Variants in UBE4B observed in about 807,000 individuals in gnomAD.
UBE4B encodes the protein ubiquitination factor E4B, also known as ubiquitin conjugation factor E4 B.
In UBE4B, 27 loss-of-function variants were observed where a neutral mutation model predicts 148.1. The ratio of observed to expected loss-of-function variants is 0.18; its 90% CI spans 0.13 to 0.25. The LOEUF is 0.25. UBE4B is among the 10% of genes least tolerant of loss of function. UBE4B has a pLI of 1.00. For missense variants in UBE4B, 1,170 were observed against 1,662.4 expected (o/e 0.70, Z 5.15); for synonymous variants, 596 against 619.3 (o/e 0.96, Z 0.56).
intron 1 of UBE4B, among the ~76,000 whole-genome samples, chr1:10,062,699 G>A (rs1446470613): frequency 1.3e-5 from 2 of 152,228 alleles, no homozygotes; most frequent in African/African-American, 4.8e-5. Context: ...GCTCACGCCT[G>A]TAATCCCAGC....
At chr1:10,050,755 A>G (rs573839031) in intron 1 of UBE4B, among the ~76,000 whole-genome samples, 1 of 142,238 alleles carries the variant, frequency 7.0e-6, no homozygotes, top group South Asian at 2.2e-4. Flanking sequence ...GTGGAGTTTC[A>G]CTATGTTGCC....
At chr1:10,078,897 G>T (rs1157866822) in intron 2 of UBE4B, among the ~76,000 whole-genome samples, 1 of 152,118 alleles carries the variant, frequency 6.6e-6, no homozygotes, top group Non-Finnish European at 1.5e-5. Context: ...GCTCATTGCG[G>T]CCACAAACTC....
At chr1:10,067,606 A>G (rs1570814770) in intron 1 of UBE4B, among the ~76,000 whole-genome samples, 1 of 151,956 alleles carries the variant, frequency 6.6e-6, no homozygotes, top group Non-Finnish European at 1.5e-5. Context: ...TAGTAGTCAA[A>G]TTAATTAGAT....
chr1:10,178,297 C>T lies in UBE4B; in HGVS notation c.3526-347C>T, dbSNP rs568610982. On this transcript the variant is annotated intron_variant, in intron 25 of 27. Transcript: ENST00000343090. ...GGACTGAAATAGACTAGATTTCCTT[C>T]TCTTTTTAATGTTTAAACTTTAAAA... Among the ~76,000 whole-genome samples the T allele has an allele frequency of 9.2e-4, 140 of 152,128 alleles. 1 individual carries two copies. The highest frequency in any genetic ancestry group is 3.3e-3 in the African/African-American group (139 of 41,510).
At position 10,168,415 on chromosome 1, in the gene UBE4B, A is replaced by G. The variant is rs936272796; in HGVS notation, c.3333+145A>G. 6.2e-5 allele frequency: 82 copies of G among 1,322,192 alleles called. No individual in the cohort carries two copies. In the African/African-American group the frequency reaches 1.1e-3, roughly 18 times the overall value. The allele number at this position is 1,322,192 out of a possible 1,614,324, so 81.9% of individuals were successfully genotyped here. ...AAATTCTGTGACTGATTTTGTTCCC[A>G]GTTATGCTAATTGATACCAGACTCT... On this transcript the variant is annotated intron_variant, in intron 24 of 27. Coordinates refer to ENST00000343090, the MANE Select transcript of UBE4B (RefSeq NM_001105562.3). This position sits in a 1 kb window ranked among gnomAD's most constrained non-coding sequence, Gnocchi z 4.9.
intron 9 of UBE4B, among the ~76,000 whole-genome samples, chr1:10,121,675 T>G (rs1295114716): frequency 1.3e-5 from 2 of 152,172 alleles, no homozygotes; most frequent in Non-Finnish European, 2.9e-5. Flanking sequence ...ATTGCAGGCG[T>G]GAGCCACCGT....
At chr1:10,071,780 C>G (rs1046850856) in intron 1 of UBE4B, among the ~76,000 whole-genome samples, 3 of 152,132 alleles carry the variant, frequency 2.0e-5, no homozygotes, top group African/African-American at 7.2e-5. Context: ...TTACCCCCAC[C>G]TCACCCTCCC....
intron 21 of UBE4B, among the ~76,000 whole-genome samples, chr1:10,155,612 G>T (rs977802231): frequency 6.6e-6 from 1 of 152,184 alleles, no homozygotes; most frequent in African/African-American, 2.4e-5. Context: ...GGCTGATTAG[G>T]TCCTGGTCCC....
intron 15 of UBE4B, among the ~76,000 whole-genome samples, chr1:10,134,184 C>T (rs946157497): frequency 6.6e-6 from 1 of 151,846 alleles, no homozygotes; most frequent in African/African-American, 2.4e-5. Flanking sequence ...GTATTACTGA[C>T]CTGTAAGAAT....
intron 10 of UBE4B, 117 bp from the exon 11 acceptor site, chr1:10,126,677 C>A: frequency 2.3e-6 from 2 of 862,006 alleles, no homozygotes; most frequent in Non-Finnish European, 1.8e-6. Flanking sequence ...TGCAAAAAAG[C>A]TTTTCCCTGG....
intron 17 of UBE4B, among the ~76,000 whole-genome samples, chr1:10,141,644 G>A (rs1440229184): frequency 6.6e-6 from 1 of 152,030 alleles, no homozygotes; most frequent in African/African-American, 2.4e-5. Flanking sequence ...ATCCAATTTT[G>A]TAATAATGCC....
chr1:10,164,841 C>G (rs938501615), intron 23 of UBE4B, among the ~76,000 whole-genome samples: 1 of 152,084 alleles, frequency 6.6e-6, no homozygotes, highest in African/African-American at 2.4e-5. Flanking sequence ...TCAACGAGGG[C>G]ACTAGTTGGA....
At chr1:10,041,573 G>A (rs776899566) in intron 1 of UBE4B, among the ~76,000 whole-genome samples, 3 of 151,936 alleles carry the variant, frequency 2.0e-5, no homozygotes, top group Non-Finnish European at 2.9e-5. Context: ...GACCTCAGGC[G>A]ATCCCCCCGC....
intron 17 of UBE4B, among the ~76,000 whole-genome samples, chr1:10,139,947 C>T (rs1645759899): frequency 6.6e-6 from 1 of 152,136 alleles, no homozygotes. Context: ...AGGCTGGTCT[C>T]GAACTCCTGA....
chr1:10,119,374 T>C, intron 8 of UBE4B, 139 bp from the exon 9 acceptor site: 1 of 727,082 alleles, frequency 1.4e-6, no homozygotes, highest in South Asian at 1.7e-5. Context: ...GCACAGTTAC[T>C]GTAGCTCGTT....
chr1:10,175,710 T>G (rs1206636677), intron 25 of UBE4B, among the ~76,000 whole-genome samples: 1 of 152,056 alleles, frequency 6.6e-6, no homozygotes, highest in Non-Finnish European at 1.5e-5. Context: ...ATCCCATCAG[T>G]CACACTTCCC....
chr1:10,089,487 C>G (rs1644813765), intron 2 of UBE4B, among the ~76,000 whole-genome samples: 1 of 149,582 alleles, frequency 6.7e-6, no homozygotes, highest in South Asian at 2.1e-4. Context: ...CCAGGTATCA[C>G]TGAGAACATG....
At position 10,151,527 on chromosome 1, in the gene UBE4B, G is replaced by C. The variant is rs375956063; in HGVS notation, c.2892G>C (p.Lys964Asn). Residue 964 changes from lysine to asparagine, a missense_variant, in exon 21 of 28, where the codon AAG (lysine) becomes AAC (asparagine). Physicochemically the swap from Lys to Asn is moderately conservative, Grantham distance 94. This residue lies in a region of UBE4B where 348 missense variants were observed against 627.2 expected (regional missense o/e 0.55). Transcript: ENST00000343090. ...TTGAGAACCATCCTCTCTCCACCAA[G>C]TTGTTGGTACCTTCCCTGATGAAGT... ...EMIENHPLST[K>N]LLVPSLMKFY... The C allele has an allele frequency of 2.5e-6, 4 of 1,614,158 alleles. No individual in the cohort carries two copies. The South Asian group carries it at 4.4e-5, about 18-fold the overall frequency.
intron 2 of UBE4B, among the ~76,000 whole-genome samples, chr1:10,090,557 T>C (rs1421808871): frequency 6.6e-6 from 1 of 152,180 alleles, no homozygotes; most frequent in East Asian, 1.9e-4. Context: ...TTAAGACCAA[T>C]GCCCCCAACA....
Sources: allele counts gnomAD v4.1 joint callset (sites outside exome capture counted in the v4.1 genomes callset), GRCh38; gene constraint gnomAD v4.1.1; regional missense constraint gnomAD v4.1.1; non-coding constraint Gnocchi (gnomAD v3.1); transcripts MANE v1.5; gene names NCBI Gene and HGNC (gene_info 2026-07-23, HGNC 2026-07-21).